The following ODAD1 variants were observed in gnomAD, a reference collection of about 807,000 sequenced individuals.
The protein encoded by ODAD1 is outer dynein arm docking complex subunit 1, also known as outer dynein arm-docking complex subunit 1.
Under a neutral mutation model 67.2 loss-of-function variants are expected in ODAD1, and 49 were observed. The ratio of observed to expected loss-of-function variants is 0.73; its 90% confidence interval spans 0.58 to 0.92. The LOEUF (loss-of-function observed/expected upper bound fraction) is 0.92, where lower values mean the gene tolerates loss of function less well. Ranked by LOEUF, ODAD1 falls within the 40% of genes least tolerant of loss-of-function variation. The pLI is 0.00. For missense variants in ODAD1, 897 were observed against 953.7 expected, an observed-to-expected ratio of 0.94 and a Z score of 0.78; for synonymous variants, 345 against 393.7, an observed-to-expected ratio of 0.88 and a Z score of 1.46.
Position 48,311,640 on chromosome 19 carries a change from C to T in ODAD1, c.510G>A (p.Leu170=), listed in dbSNP as rs1176239931. The T allele has an allele frequency of 3.2e-6, 5 of 1,550,822 alleles. No homozygotes were observed. The Admixed American group carries it at 5.9e-5, about 18-fold the overall frequency. The part of the protein sequence containing the change: ...DRVTCHFDNQ[L]VRNAALREEL... ...CCTCCCGCAGGGCCGCATTCCGTACCAGCTGGTTGTCAAAGTGACAGGTGA... is the reference window on the plus strand; with the variant it reads ...CCTCCCGCAGGGCCGCATTCCGTACTAGCTGGTTGTCAAAGTGACAGGTGA... The change falls in exon 7 of 16, where the codon CTG becomes CTA. Residue 170 remains leucine, a synonymous_variant. Coordinates refer to ENST00000674294, the MANE Select transcript of ODAD1 (RefSeq NM_001364171.2).
intron 7 of ODAD1, among the ~76,000 whole-genome samples, chr19:48,311,137 G>T (rs897689781): frequency 2.0e-5 from 3 of 152,138 alleles, no homozygotes; most frequent in African/African-American, 7.2e-5. Flanking sequence ...GCTTGAATCT[G>T]GGAGGCACAG....
chr19:48,320,259 G>C (rs1289273791), intron 3 of ODAD1, 40 bp downstream of exon 3: 1 of 1,195,392 alleles, frequency 8.4e-7, no homozygotes, highest in African/African-American at 1.6e-5. Flanking sequence ...CTGGGGGCTG[G>C]AAAAGAATGG....
chr19:48,320,058 C>T, intron 3 of ODAD1: 2 of 1,063,088 alleles, frequency 1.9e-6, no homozygotes, highest in Non-Finnish European at 2.3e-6. Context: ...CTTGGCAATT[C>T]CTACAGGGAG....
At chr19:48,312,258 T>A (rs1600869476) in intron 5 of ODAD1, 142 bp from the exon 6 acceptor site, 2 of 642,296 alleles carry the variant, frequency 3.1e-6, no homozygotes, top group East Asian at 5.9e-5. Flanking sequence ...CTGCTGACAC[T>A]ATCCAGCCCT....
intron 5 of ODAD1, among the ~76,000 whole-genome samples, chr19:48,316,790 G>A (rs1968909703): frequency 2.6e-5 from 4 of 152,234 alleles, no homozygotes; most frequent in Admixed American, 2.0e-4. Flanking sequence ...CTGAGGCCAC[G>A]AGTTTGAGAC....
At position 48,316,571 on chromosome 19, in the gene ODAD1, T is replaced by C. The variant is rs150819805; in HGVS notation, c.360+1816A>G. Among the ~76,000 whole-genome samples, 293 of 152,326 alleles carry C rather than the reference T, an allele frequency of 1.9e-3. 2 individuals carry two copies. Among genetic ancestry groups the C allele is most frequent in the African/African-American group, 6.9e-3 (285 of 41,580 alleles). ...TTCTGGATACAAGTTCTCTATCAGATACGTGCTTTGCAGATATTTTCTCCC... is the reference window on the plus strand; with the variant it reads ...TTCTGGATACAAGTTCTCTATCAGACACGTGCTTTGCAGATATTTTCTCCC... On this transcript the variant is annotated intron_variant, in intron 5 of 15. Transcript: ENST00000674294.
rs776745291 is a variant in ODAD1 at position 48,297,182 on chromosome 19, G to C, written c.1918C>G (p.Pro640Ala). ...ASSGGHVTFR[P>A]VSASSYLGST... The stretch of plus-strand genomic sequence containing the variant: ...CCCAGGTAGCTGCTGGCGCTGACGG[G>C]TCTGAAGGTCACGTGGCCCCCACTC... Residue 640 changes from proline to alanine, a missense_variant, in exon 16 of 16, where the codon CCC becomes GCC. By Grantham distance (27) the Pro-to-Ala change is conservative. Transcript: ENST00000674294. The C allele has an allele frequency of 1.2e-6, 2 of 1,614,030 alleles. No individual in the cohort carries two copies. Among genetic ancestry groups the C allele is most frequent in the African/African-American group, 1.3e-5 (1 of 74,940 alleles).
intron 5 of ODAD1, 57 bp downstream of exon 5, chr19:48,318,330 G>GGAGGTTACA (rs1302894151): frequency 3.5e-6 from 5 of 1,435,212 alleles, no homozygotes; most frequent in Non-Finnish European, 4.8e-6. Context: ...TAAGGCTCAG[G>GGAGGTTACA]GAGGTTACAA....
intron 12 of ODAD1, 60 bp from the exon 13 acceptor site, chr19:48,298,400 TC>T (rs1968367369): frequency 1.3e-6 from 2 of 1,564,234 alleles, no homozygotes; most frequent in African/African-American, 1.4e-5. Flanking sequence ...GCCAGCCCTC[TC>T]CCCACTCAGG....
At chr19:48,306,911 G>A (rs1169620284) in intron 7 of ODAD1, among the ~76,000 whole-genome samples, 2 of 152,046 alleles carry the variant, frequency 1.3e-5, no homozygotes, top group Non-Finnish European at 2.9e-5. Flanking sequence ...GGCCAGGCGC[G>A]GTGGCTCACG....
At chr19:48,305,983 T>C (rs1968596718) in intron 8 of ODAD1, among the ~76,000 whole-genome samples, 1 of 151,718 alleles carries the variant, frequency 6.6e-6, no homozygotes, top group Non-Finnish European at 1.5e-5. Context: ...TGTTTGAACC[T>C]GGGAGGTAGA....
Position 48,303,141 on chromosome 19 carries a change from A to AAACAGAGACAGAGAG in ODAD1, c.989-61_989-47dup, listed in dbSNP as rs773012406. On this transcript the variant is annotated intron_variant, in intron 10 of 15. Coordinates refer to ENST00000674294, the MANE Select transcript of ODAD1 (RefSeq NM_001364171.2). ...GGGGCCCAGAGAGAGGGAGACAGAG[A>AAACAGAGACAGAGAG]AACAGAGACAGAGAGAACAGAGACA... is the stretch of plus-strand genomic sequence containing the variant. The AAACAGAGACAGAGAG allele has an allele frequency of 5.3e-5, 73 of 1,383,760 alleles. No homozygotes were observed. In the African/African-American group the frequency reaches 8.5e-4, roughly 16 times the overall value. 85.7% of individuals were successfully genotyped at this position (1,383,760 alleles called of 1,614,324 possible).
At chr19:48,319,846 G>A (rs1328949979) in intron 3 of ODAD1, 3 of 160,488 alleles carry the variant, frequency 1.9e-5, no homozygotes, top group Non-Finnish European at 4.0e-5. Context: ...ATTTGTCATT[G>A]TCATGACTTG....
At position 48,297,072 on chromosome 19, in the gene ODAD1, G is replaced by T. The variant is rs146521880; in HGVS notation, c.2028C>A (p.Ser676Arg). The T allele has an allele frequency of 9.4e-5, 151 of 1,612,958 alleles. No individual in the cohort carries two copies. Among genetic ancestry groups the T allele is most frequent in the Non-Finnish European group, 1.2e-4 (142 of 1,179,572 alleles). Residue 676 changes from serine to arginine, a missense_variant, in exon 16 of 16, where the codon AGC (serine) becomes AGA (arginine). By Grantham distance (110) the Ser-to-Arg change is moderately radical. Transcript: ENST00000674294. ...GGTCTCTGCTGGACCCGAGGCCTCC[G>T]CTCGAATCAGACGCTGTGCCTCCGC... ...VESGGTASDS[S>R]GGLGSSRDHV...
At chr19:48,306,080 C>T (rs943955664) in intron 8 of ODAD1, 176 bp downstream of exon 8, 1 of 495,714 alleles carries the variant, frequency 2.0e-6, no homozygotes, top group Non-Finnish European at 2.6e-6. Flanking sequence ...CAGAACAGGA[C>T]CTTGCCAGTG....
chr19:48,298,184 T>C lies in ODAD1; in HGVS notation c.1397A>G (p.His466Arg), dbSNP rs368172509. 5.6e-6 allele frequency: 9 copies of C among 1,611,874 alleles called. No individual in the cohort carries two copies. In the African/African-American group the frequency reaches 6.7e-5, roughly 12 times the overall value. ...VELLTVQAFL[H>R]AQSFTSLADA... ...CTCCCTGCCGTCTCCCACCTGGGCA[T>C]GTAGGAAGGCCTGCACTGTCAGGAG... The change falls in exon 13 of 16, where the codon CAT becomes CGT. Residue 466 changes from histidine (H) to arginine (R), a missense_variant. His to Arg is a conservative substitution (Grantham distance 29). Coordinates refer to ENST00000674294, the MANE Select transcript of ODAD1 (RefSeq NM_001364171.2).
intron 7 of ODAD1, among the ~76,000 whole-genome samples, chr19:48,307,065 T>C (rs1968625563): frequency 6.6e-6 from 1 of 151,998 alleles, no homozygotes; most frequent in Non-Finnish European, 1.5e-5. Flanking sequence ...ATGCCTGTAA[T>C]CCCAGCTACT....
chr19:48,297,232 A>G lies in ODAD1; in HGVS notation c.1868T>C (p.Val623Ala). The change falls in exon 16 of 16, where the codon GTG becomes GCG. Residue 623 changes from valine to alanine, a missense_variant. Physicochemically the swap from Val to Ala is moderately conservative, Grantham distance 64. Coordinates refer to ENST00000674294, the MANE Select transcript of ODAD1 (RefSeq NM_001364171.2). ...ITHGDPNTGHVTFGSTSASSG... is the reference protein window; with the variant it reads ...ITHGDPNTGHATFGSTSASSG... ...CGAGGCACTGGTGGAGCCGAAGGTC[A>G]CGTGGCCAGTGTTGGGGTCACCGTG... 1 of 1,614,084 alleles carries G rather than the reference A, an allele frequency of 6.2e-7. No individual in the cohort carries two copies. The highest frequency in any genetic ancestry group is 8.5e-7 in the Non-Finnish European group (1 of 1,179,986).
chr19:48,318,941 A>T lies in ODAD1; in HGVS notation c.71-129T>A, dbSNP rs758397210. 4.7e-6 allele frequency: 3 copies of T among 632,540 alleles called. No individual in the cohort carries two copies. The African/African-American group carries it at 5.5e-5, about 11-fold the overall frequency. 39.2% of individuals were successfully genotyped at this position (632,540 alleles called of 1,614,324 possible). A position where few individuals can be genotyped will look rare whatever the true frequency, so the allele number is the denominator to read the frequency against. On this transcript the variant is annotated intron_variant, in intron 3 of 15. Coordinates refer to ENST00000674294, the MANE Select transcript of ODAD1 (RefSeq NM_001364171.2). ...AACTGAACTGCAGATCCAGCCCCCA[A>T]CACCCCTCTAGGAATGCACCTCAGT... is the stretch of plus-strand genomic sequence containing the variant.
Sources: allele counts gnomAD v4.1 joint callset (sites outside exome capture counted in the v4.1 genomes callset), GRCh38; gene constraint gnomAD v4.1.1; transcripts MANE v1.5; gene names NCBI Gene and HGNC (gene_info 2026-07-23, HGNC 2026-07-21).